PALD1: variants seen among roughly 807,000 people sequenced by gnomAD.
PALD1 encodes the protein paladin.
A neutral mutation model predicts 96.0 loss-of-function variants in PALD1; 57 were observed. The observed-to-expected ratio is 0.59, with a 90% CI of 0.48 to 0.74. The LOEUF (loss-of-function observed/expected upper bound fraction) is 0.74. Among genes scored for constraint, PALD1 ranks in the 30% least tolerant of loss-of-function variants. The pLI is 0.00. For missense variants in PALD1, 1,063 were observed against 1,143.7 expected (o/e 0.93, Z 1.02); for synonymous variants, 464 against 473.6 (o/e 0.98, Z 0.26).
At chr10:70,527,976 C>T (rs529073095) in intron 2 of PALD1, among the ~76,000 whole-genome samples, 173 of 151,890 alleles carry the variant, frequency 1.1e-3, no homozygotes, top group Non-Finnish European at 2.2e-3. Context: ...CTTCCCTTCC[C>T]GTGTCCAAGT....
At chr10:70,527,171 G>T (rs1177846827) in intron 2 of PALD1, among the ~76,000 whole-genome samples, 4 of 152,204 alleles carry the variant, frequency 2.6e-5, no homozygotes, top group Non-Finnish European at 5.9e-5. Flanking sequence ...CCCTTGCTTT[G>T]TTCTGTGACC....
rs555039563 is a variant in PALD1, at chr10:70,504,508, T to A, written c.-29-21415T>A. Among the ~76,000 whole-genome samples the A allele has an allele frequency of 2.6e-5, 4 of 152,292 alleles. No individual in the cohort carries two copies. In the East Asian group the frequency reaches 7.7e-4, roughly 29 times the overall value. ...ACTGCACTCCAGCCTGGGTGACAGA[T>A]TAAGACTTCGTCTCAGAAAACTAAC... On this transcript the variant is annotated intron_variant, in intron 1 of 19. Coordinates refer to ENST00000263563, the MANE Select transcript of PALD1 (RefSeq NM_014431.3).
Position 70,519,140 on chromosome 10 carries a change from G to A in PALD1, c.-29-6783G>A, listed in dbSNP as rs185401182. Among the ~76,000 whole-genome samples the A allele has an allele frequency of 1.4e-3, 218 of 152,202 alleles. 2 individuals carry two copies. The highest frequency in any genetic ancestry group is 8.8e-4 in the Non-Finnish European group (60 of 68,006). On this transcript the variant is annotated intron_variant, in intron 1 of 19. Transcript: ENST00000263563. ...TTTTTTGTAAATGAGACAGAGTCTC[G>A]CTATGTTGCCCAGGCTGGTCTTGAA...
the PALD1 span, among the ~76,000 whole-genome samples, chr10:70,462,531 T>TG: frequency 6.6e-6 from 1 of 152,366 alleles, no homozygotes; most frequent in Admixed American, 6.5e-5. Flanking sequence ...CAGTCTCAGC[T>TG]GGGGAGAGGC....
chr10:70,556,583 G>T (rs1417891661), intron 18 of PALD1, among the ~76,000 whole-genome samples: 4 of 152,152 alleles, frequency 2.6e-5, no homozygotes, highest in African/African-American at 9.7e-5. Context: ...CTCCCAAAGT[G>T]CTGGGATTAC....
intron 2 of PALD1, among the ~76,000 whole-genome samples, chr10:70,527,984 A>G (rs1006472136): frequency 3.3e-5 from 5 of 151,190 alleles, no homozygotes; most frequent in African/African-American, 1.2e-4. Context: ...CCCGTGTCCA[A>G]GTGTTCTCAT....
intron 18 of PALD1, among the ~76,000 whole-genome samples, chr10:70,552,739 A>G (rs773238980): frequency 5.6e-4 from 85 of 152,220 alleles, no homozygotes; most frequent in Non-Finnish European, 1.1e-3. Context: ...AACAATGGAC[A>G]GTCGCTACTT....
intron 1 of PALD1, among the ~76,000 whole-genome samples, chr10:70,491,340 T>C (rs1189690886): frequency 1.3e-5 from 2 of 152,168 alleles, no homozygotes; most frequent in African/African-American, 4.8e-5. Context: ...TCCTGACTGC[T>C]AAGAGGCTGG....
In PALD1 at chr10:70,560,741, C is replaced by T. The variant is rs375399785; in HGVS notation, c.2263-3623C>T. On this transcript the variant is annotated intron_variant, in intron 18 of 19. Transcript: ENST00000263563. ...GCCTCGATGCCAGCCAGGCCGGAGG[C>T]TTGAGATGCCCGAAGTACCCAGTGC... Among the ~76,000 whole-genome samples, 148 of 152,128 alleles carry T rather than the reference C, an allele frequency of 9.7e-4. 3 individuals are homozygous for T. In the South Asian group the frequency reaches 0.029, roughly 30 times the overall value.
At chr10:70,518,701 A>G (rs546236722) in intron 1 of PALD1, among the ~76,000 whole-genome samples, 60 of 152,364 alleles carry the variant, frequency 3.9e-4, no homozygotes, top group Non-Finnish European at 7.8e-4. Context: ...ATGAGATAAT[A>G]TACGTCAAAC....
At chr10:70,531,251 T>A in intron 4 of PALD1, 39 bp from the exon 5 acceptor site, 1 of 1,585,660 alleles carries the variant, frequency 6.3e-7, no homozygotes, top group Non-Finnish European at 8.6e-7. Flanking sequence ...CTGTGCGGGA[T>A]CATGATGATG....
intron 15 of PALD1, 94 bp from the exon 16 acceptor site, chr10:70,541,008 A>C (rs1847231056): frequency 7.3e-7 from 1 of 1,373,242 alleles, no homozygotes; most frequent in African/African-American, 1.5e-5. Flanking sequence ...TGGCCCGAGG[A>C]CAGTGGCTGG....
rs1554861465 is a variant in PALD1, at chr10:70,547,452, C to A, written c.2262+6C>A. 3 of 1,561,726 alleles carry A rather than the reference C, an allele frequency of 1.9e-6. No homozygotes were observed. Among genetic ancestry groups the A allele is most frequent in the East Asian group, 4.6e-5 (2 of 43,832 alleles). Reference sequence around the variant, plus strand: ...TCATCTGCACCTACCGCCAGGTGAGCCCCCACCCCACCCCACCCCACCCTG... The same window carrying A: ...TCATCTGCACCTACCGCCAGGTGAGACCCCACCCCACCCCACCCCACCCTG... On this transcript the variant is annotated splice_donor_region_variant and intron_variant, in intron 18 of 19. Coordinates refer to ENST00000263563, the MANE Select transcript of PALD1 (RefSeq NM_014431.3).
chr10:70,470,154 T>A, the PALD1 span, among the ~76,000 whole-genome samples: 2 of 152,028 alleles, frequency 1.3e-5, no homozygotes, highest in Non-Finnish European at 2.9e-5. Flanking sequence ...GCAGAAGGGG[T>A]GAATGGTGTG....
chr10:70,487,536 C>T (rs1044243367), intron 1 of PALD1, among the ~76,000 whole-genome samples: 2 of 151,618 alleles, frequency 1.3e-5, no homozygotes, highest in African/African-American at 4.9e-5. Context: ...ATAAAATAAA[C>T]CATTTTAAAG....
At position 70,541,000 on chromosome 10, in the gene PALD1, GC is replaced by G; in HGVS notation, c.1909-99del. The stretch of plus-strand genomic sequence containing the variant: ...AAGCTTGGGAGCCTGACAATTTCTG[GC>G]CCGAGGACAGTGGCTGGGGCTGCCA... On this transcript the variant is annotated intron_variant, in intron 15 of 19. Coordinates refer to ENST00000263563, the MANE Select transcript of PALD1 (RefSeq NM_014431.3). This position sits in a 1 kb window ranked among gnomAD's most constrained non-coding sequence, Gnocchi z 4.2. 1 of 1,311,138 alleles carries G rather than the reference GC, an allele frequency of 7.6e-7. No individual in the cohort carries two copies. The highest frequency in any genetic ancestry group is 1.0e-6 in the Non-Finnish European group (1 of 957,638). 81.2% of individuals were successfully genotyped at this position (1,311,138 alleles called of 1,614,324 possible). A position where few individuals can be genotyped will look rare whatever the true frequency, so the allele number is the denominator to read the frequency against.
intron 1 of PALD1, among the ~76,000 whole-genome samples, chr10:70,520,685 CTTTT>C (rs10545684): frequency 0.04 from 3,529 of 87,558 alleles, 138 homozygotes; most frequent in African/African-American, 0.13. Context: ...TTCTTTCTTT[CTTTT>C]TTTTTTTTTT....
At position 70,537,891 on chromosome 10, in the gene PALD1, C is replaced by T. The variant is rs1370548122; in HGVS notation, c.1308C>T (p.Tyr436=). The change falls in exon 11 of 20, where the codon TAC becomes TAT. Residue 436 remains tyrosine, a synonymous_variant. Transcript: ENST00000263563. The part of the protein sequence containing the change: ...ERYFYLILFN[Y]YLHEQYPLAF... Reference sequence around the variant, plus strand: ...ACTTCTACCTGATCCTGTTTAACTACTACCTTCATGAGCAGGTGGGGCCTG... The same window carrying T: ...ACTTCTACCTGATCCTGTTTAACTATTACCTTCATGAGCAGGTGGGGCCTG... 1.2e-6 allele frequency: 2 copies of T among 1,611,214 alleles called. No individual in the cohort carries two copies. The highest frequency in any genetic ancestry group is 1.7e-5 in the Admixed American group (1 of 60,000).
At chr10:70,518,910 T>G (rs1846669026) in intron 1 of PALD1, among the ~76,000 whole-genome samples, 1 of 152,180 alleles carries the variant, frequency 6.6e-6, no homozygotes, top group South Asian at 2.1e-4. Context: ...CTGACACATC[T>G]CTGTGTGTTC....
Sources: gnomAD v4.1 joint callset for allele counts (sites outside exome capture counted in the v4.1 genomes callset) on GRCh38, gnomAD v4.1.1 for gene constraint, Gnocchi (gnomAD v3.1) non-coding constraint, MANE v1.5 for transcripts, NCBI Gene and HGNC (gene_info 2026-07-23, HGNC 2026-07-21) for gene names.